NEAT1: variants seen among roughly 807,000 people sequenced by gnomAD.
NEAT1 encodes the protein nuclear paraspeckle assembly transcript 1.
exon 1 of NEAT1, chr11:65,422,843 G>C (rs1403597757): frequency 6.5e-6 from 1 of 152,944 alleles, no homozygotes; most frequent in African/African-American, 2.4e-5. Context: ...TAGTTGTGGG[G>C]GAGGAAGTGG....
chr11:65,441,615 T>G (rs978774103), exon 1 of NEAT1: 2 of 152,234 alleles, frequency 1.3e-5, no homozygotes, highest in African/African-American at 4.8e-5. Flanking sequence ...ATCCTCCTTA[T>G]GCATAGTTTT....
At position 65,435,720 on chromosome 11, in the gene NEAT1, C is replaced by T. The variant is rs143642060; in HGVS notation, n.12923C>T. The T allele has an allele frequency of 2.5e-3, 380 of 152,240 alleles. 1 individual carries two copies. The highest frequency in any genetic ancestry group is 4.0e-3 in the Non-Finnish European group (274 of 68,026). The allele number at this position is 152,240 out of a possible 1,614,324, so 9.4% of individuals were successfully genotyped here. A position where few individuals can be genotyped will look rare whatever the true frequency, so the allele number is the denominator to read the frequency against. ...CAAAATAGAATAATGTTGGTCCTCTCCTCATGTGCCGTGGAACTGGGGTAA... is the reference window on the plus strand; with the variant it reads ...CAAAATAGAATAATGTTGGTCCTCTTCTCATGTGCCGTGGAACTGGGGTAA... On this transcript the variant is annotated non_coding_transcript_exon_variant, in exon 1 of 1. Transcript: ENST00000501122.
exon 1 of NEAT1, chr11:65,437,183 TTATATATA>T (rs1197288595): frequency 2.9e-5 from 4 of 139,098 alleles, no homozygotes; most frequent in African/African-American, 1.1e-4. Context: ...GCTCTTTAGT[TTATATATA>T]TATGTATATA....
chr11:65,444,263 CTGTGTGTGTGTGTGTGTGTGTG>C (rs66756887), exon 1 of NEAT1: 5,850 of 254,760 alleles, frequency 0.023, 58 homozygotes, highest in Non-Finnish European at 0.026. Context: ...AGTCCTCAGA[CTGTGTGTGTGTGTGTGTGTGTG>C]TGTGTGTGTG....
At chr11:65,423,412 G>C (rs1316743237) in exon 1 of NEAT1, 2 of 152,138 alleles carry the variant, frequency 1.3e-5, no homozygotes, top group Non-Finnish European at 2.9e-5. Context: ...GCCTGGGACG[G>C]GGCCCAGGCC....
chr11:65,424,072 T>TG (rs1427951207), exon 1 of NEAT1: 1 of 152,426 alleles, frequency 6.6e-6, no homozygotes, highest in Non-Finnish European at 1.5e-5. Context: ...CCTCAATTGA[T>TG]GCCTGCAGAT....
chr11:65,444,494 C>A (rs774044559), exon 1 of NEAT1: 1 of 481,936 alleles, frequency 2.1e-6, no homozygotes, highest in South Asian at 1.5e-5. Flanking sequence ...CTTCTGAGCT[C>A]CTTAGCACTA....
At chr11:65,424,449 A>G (rs1856540140) in exon 1 of NEAT1, 1 of 152,228 alleles carries the variant, frequency 6.6e-6, no homozygotes. Context: ...GATGCCTTGT[A>G]GATGGAGCTT....
exon 1 of NEAT1, chr11:65,434,314 C>T (rs1232323524): frequency 1.3e-5 from 2 of 152,206 alleles, no homozygotes; most frequent in African/African-American, 4.8e-5. Context: ...CCCCCACCCT[C>T]CAGAGGGGTA....
At chr11:65,433,616 G>T (rs192394560) in exon 1 of NEAT1, 35 of 152,138 alleles carry the variant, frequency 2.3e-4, no homozygotes, top group African/African-American at 6.3e-4. Context: ...TTACACTGAT[G>T]AAATTGAAAT....
exon 1 of NEAT1, chr11:65,437,225 A>ATG (rs1856668504): frequency 7.0e-6 from 1 of 143,120 alleles, no homozygotes; most frequent in African/African-American, 2.7e-5. Flanking sequence ...ATATATATAT[A>ATG]TACATATATA....
chr11:65,443,417 A>G (rs572675193), exon 1 of NEAT1: 16 of 152,408 alleles, frequency 1.0e-4, no homozygotes, highest in African/African-American at 3.6e-4. Context: ...GTTATTTTCA[A>G]CTGCTGAATT....
chr11:65,432,136 G>A (rs1300546169), exon 1 of NEAT1: 2 of 152,158 alleles, frequency 1.3e-5, no homozygotes, highest in African/African-American at 4.8e-5. Flanking sequence ...CTATGATCAG[G>A]TGTCTTTTTA....
exon 1 of NEAT1, chr11:65,433,192 G>A (rs1006772064): frequency 1.3e-5 from 2 of 151,922 alleles, no homozygotes; most frequent in Non-Finnish European, 2.9e-5. Flanking sequence ...TTTTCCTTTG[G>A]GTAGATACCC....
At chr11:65,439,777 G>C (rs1023475439) in exon 1 of NEAT1, 2 of 152,112 alleles carry the variant, frequency 1.3e-5, no homozygotes, top group Non-Finnish European at 2.9e-5. Context: ...AAGGTCTTGG[G>C]GGGGGTGTCC....
Position 65,441,693 on chromosome 11 carries a change from A to G in NEAT1, n.18896A>G, listed in dbSNP as rs1482973740. On this transcript the variant is annotated non_coding_transcript_exon_variant, in exon 1 of 1. Coordinates refer to ENST00000501122, the Ensembl canonical transcript of NEAT1. ...AGAAATTTATTTTATTGGCCTTTTG[A>G]AAAAAGCAGCTTTAGATAAAGTAAG... 5 of 152,122 alleles carry G rather than the reference A, an allele frequency of 3.3e-5. No homozygotes were observed. The East Asian group carries it at 7.7e-4, about 23-fold the overall frequency. 9.4% of individuals were successfully genotyped at this position (152,122 alleles called of 1,614,324 possible).
At chr11:65,433,779 CT>C (rs1448028758) in exon 1 of NEAT1, 1 of 149,758 alleles carries the variant, frequency 6.7e-6, no homozygotes, top group African/African-American at 2.5e-5. Flanking sequence ...GTACAAATGG[CT>C]TTTGGTCATA....
exon 1 of NEAT1, chr11:65,439,707 ATGAC>A (rs1856696559): frequency 6.6e-6 from 1 of 152,098 alleles, no homozygotes; most frequent in Non-Finnish European, 1.5e-5. Flanking sequence ...AAGGGAAAAA[ATGAC>A]TGGCTATATT....
At chr11:65,441,325 T>C (rs1044798703) in exon 1 of NEAT1, 1 of 152,088 alleles carries the variant, frequency 6.6e-6, no homozygotes, top group Non-Finnish European at 1.5e-5. Flanking sequence ...CTGAAAACTT[T>C]TATTTGTTTG....
Sources: allele counts gnomAD v4.1 joint callset, GRCh38; gene constraint gnomAD v4.1.1; transcripts MANE v1.5; gene names NCBI Gene and HGNC (gene_info 2026-07-23, HGNC 2026-07-21).